Variants in SLC22A9 observed in about 807,000 individuals in gnomAD.
SLC22A9 encodes the protein solute carrier family 22 member 9.
Under a neutral mutation model 50.1 loss-of-function variants are expected in SLC22A9, and 64 were observed. That is an observed-to-expected ratio of 1.28 (90% CI 1.04 to 1.57). The LOEUF (loss-of-function observed/expected upper bound fraction) is 1.57. SLC22A9 is among the 40% of genes most tolerant of loss of function. The pLI, the probability that SLC22A9 is intolerant of heterozygous loss-of-function variation, is 0.00. For missense variants in SLC22A9, 757 were observed against 676.1 expected, an observed-to-expected ratio of 1.12 and a Z score of -1.33; for synonymous variants, 261 against 242.5, an observed-to-expected ratio of 1.08 and a Z score of -0.71.
At chr11:63,374,126 G>C in intron 4 of SLC22A9, 64 bp downstream of exon 4, 1 of 1,454,770 alleles carries the variant, frequency 6.9e-7, no homozygotes, top group East Asian at 2.4e-5. Flanking sequence ...GTGGAACTAG[G>C]ACACCTGAAT....
chr11:63,373,740 A>T lies in SLC22A9; in HGVS notation c.603A>T (p.Ser201=). 1.2e-6 allele frequency: 2 copies of T among 1,613,386 alleles called. No individual in the cohort carries two copies. Among genetic ancestry groups the T allele is most frequent in the Non-Finnish European group, 1.7e-6 (2 of 1,179,610 alleles). The change falls in exon 3 of 10, where the codon TCA becomes TCT. Residue 201 remains serine, a synonymous_variant. Transcript: ENST00000279178. ...CTCCCACCTTCCTCATTTACTGCTC[A>T]CTACGCTTCTTGTCTGGGATTGCTG... The part of the protein sequence containing the change: ...ALAPTFLIYC[S]LRFLSGIAAM...
chr11:63,382,171 A>G lies in SLC22A9; in HGVS notation c.967A>G (p.Thr323Ala). Residue 323 changes from threonine (T) to alanine (A), a missense_variant, in exon 6 of 10, where the codon ACC becomes GCC. Physicochemically the swap from Thr to Ala is moderately conservative, Grantham distance 58 (BLOSUM62 0). Transcript: ENST00000279178. ...DTLTLEILKS[T>A]MKKELEAAQK... ...GCTATTGTTGAAGATTTTGAAATCC[A>G]CCATGAAAAAAGAACTGGAGGCAGC... 1 of 1,604,424 alleles carries G rather than the reference A, an allele frequency of 6.2e-7. No homozygotes were observed. The highest frequency in any genetic ancestry group is 8.5e-7 in the Non-Finnish European group (1 of 1,177,050).
In SLC22A9 at chr11:63,387,407, C is replaced by T. The variant is rs970026793; in HGVS notation, c.1073+5130C>T. ...CATGTATTGAAAAGACTGTCCTTTCCCCAATGCACATTCTTGACACCTTTC... is the reference window on the plus strand; with the variant it reads ...CATGTATTGAAAAGACTGTCCTTTCTCCAATGCACATTCTTGACACCTTTC... On this transcript the variant is annotated intron_variant, in intron 6 of 9. Transcript: ENST00000279178. Among the ~76,000 whole-genome samples the T allele has an allele frequency of 1.2e-4, 18 of 152,044 alleles. 1 individual carries two copies. Among genetic ancestry groups the T allele is most frequent in the African/African-American group, 3.9e-4 (16 of 41,512 alleles).
chr11:63,377,116 C>G (rs2014474200), intron 5 of SLC22A9, among the ~76,000 whole-genome samples: 1 of 152,060 alleles, frequency 6.6e-6, no homozygotes, highest in Non-Finnish European at 1.5e-5. Context: ...TTCAACACCC[C>G]ACTGGCAGTG....
At chr11:63,384,983 GTT>G (rs369029527) in intron 6 of SLC22A9, among the ~76,000 whole-genome samples, 2 of 150,958 alleles carry the variant, frequency 1.3e-5, no homozygotes, top group Non-Finnish European at 2.9e-5. Flanking sequence ...TTTCAATGGA[GTT>G]TTTTTGTTTT....
chr11:63,403,943 A>G (rs924846034), intron 6 of SLC22A9, among the ~76,000 whole-genome samples: 33 of 152,128 alleles, frequency 2.2e-4, no homozygotes, highest in African/African-American at 8.0e-4. Flanking sequence ...TGAAGACACT[A>G]TGGAGGTTAG....
intron 5 of SLC22A9, among the ~76,000 whole-genome samples, chr11:63,380,349 A>T (rs1225419960): frequency 6.6e-6 from 1 of 152,136 alleles, no homozygotes; most frequent in African/African-American, 2.4e-5. Context: ...TATACCCCTC[A>T]AAATGCAAAT....
Position 63,369,986 on chromosome 11 carries a change from C to T in SLC22A9, c.-71C>T. On this transcript the variant is annotated 5_prime_UTR_variant, in exon 1 of 10. Transcript: ENST00000279178. Reference sequence around the variant, plus strand: ...TTTAGTGTGACTTAGGGAAAGAAAACATTTTCCCTCTTTGAACCTCTCTGG... The same window carrying T: ...TTTAGTGTGACTTAGGGAAAGAAAATATTTTCCCTCTTTGAACCTCTCTGG... 2 of 1,448,332 alleles carry T rather than the reference C, an allele frequency of 1.4e-6. No homozygotes were observed. Among genetic ancestry groups the T allele is most frequent in the East Asian group, 2.3e-5 (1 of 43,806 alleles). The allele number at this position is 1,448,332 out of a possible 1,614,324, so 89.7% of individuals were successfully genotyped here.
chr11:63,405,520 G>A (rs188222342), intron 6 of SLC22A9, among the ~76,000 whole-genome samples: 68 of 152,206 alleles, frequency 4.5e-4, no homozygotes, highest in Non-Finnish European at 8.5e-4. Context: ...AAACCATCAC[G>A]AGGTTATATG....
intron 5 of SLC22A9, among the ~76,000 whole-genome samples, chr11:63,377,516 A>ACTAGT (rs2014485205): frequency 6.6e-6 from 1 of 152,158 alleles, no homozygotes; most frequent in Non-Finnish European, 1.5e-5. Flanking sequence ...GTGAAAACAA[A>ACTAGT]GATATAACAT....
At chr11:63,375,845 A>G in intron 5 of SLC22A9, 77 bp downstream of exon 5, 8 of 1,540,316 alleles carry the variant, frequency 5.2e-6, no homozygotes, top group East Asian at 2.3e-5. Flanking sequence ...AGCAGTGTCC[A>G]TAAGGTAAAA....
At chr11:63,394,185 C>A (rs1228702050) in intron 6 of SLC22A9, among the ~76,000 whole-genome samples, 2 of 152,124 alleles carry the variant, frequency 1.3e-5, no homozygotes, top group Non-Finnish European at 2.9e-5. Flanking sequence ...TTCTAGTTAG[C>A]AATTCCTCTA....
Position 63,409,963 on chromosome 11 carries a change from G to C in SLC22A9, c.*101G>C. The C allele has an allele frequency of 7.4e-7, 1 of 1,348,592 alleles. No homozygotes were observed. The highest frequency in any genetic ancestry group is 1.0e-6 in the Non-Finnish European group (1 of 960,228). 83.5% of individuals were successfully genotyped at this position (1,348,592 alleles called of 1,614,324 possible). On this transcript the variant is annotated 3_prime_UTR_variant, in exon 10 of 10. Coordinates refer to ENST00000279178, the MANE Select transcript of SLC22A9 (RefSeq NM_080866.3). Reference sequence around the variant, plus strand: ...AATCTAGAAAATAAATAACAAGGCTGGGTGCGGTGGCTCACGCCTGTAATC... The same window carrying C: ...AATCTAGAAAATAAATAACAAGGCTCGGTGCGGTGGCTCACGCCTGTAATC...
intron 5 of SLC22A9, among the ~76,000 whole-genome samples, chr11:63,376,111 C>T (rs1263861200): frequency 6.6e-6 from 1 of 152,080 alleles, no homozygotes; most frequent in Non-Finnish European, 1.5e-5. Context: ...CTGTGGGTCT[C>T]TTTCAGGGTA....
intron 2 of SLC22A9, among the ~76,000 whole-genome samples, chr11:63,371,815 A>T (rs1308123177): frequency 6.6e-6 from 1 of 152,204 alleles, no homozygotes; most frequent in Non-Finnish European, 1.5e-5. Context: ...ATACTATCTC[A>T]GTCTGTGGTG....
rs2015110729 is a variant in SLC22A9, at chr11:63,409,944, G to C, written c.*82G>C. 11 of 1,506,838 alleles carry C rather than the reference G, an allele frequency of 7.3e-6. No homozygotes were observed. The highest frequency in any genetic ancestry group is 1.0e-5 in the Non-Finnish European group (11 of 1,088,856). 93.3% of individuals were successfully genotyped at this position (1,506,838 alleles called of 1,614,324 possible). A position where few individuals can be genotyped will look rare whatever the true frequency, so the allele number is the denominator to read the frequency against. On this transcript the variant is annotated 3_prime_UTR_variant, in exon 10 of 10. Transcript: ENST00000279178. ...TATTCCTAGACACTAGCAAAATCTAGAAAATAAATAACAAGGCTGGGTGCG... is the reference window on the plus strand; with the variant it reads ...TATTCCTAGACACTAGCAAAATCTACAAAATAAATAACAAGGCTGGGTGCG...
At chr11:63,395,649 T>G (rs183339481) in intron 6 of SLC22A9, among the ~76,000 whole-genome samples, 3 of 152,216 alleles carry the variant, frequency 2.0e-5, no homozygotes, top group Non-Finnish European at 4.4e-5. Context: ...TCTATGCAGG[T>G]TCTTAGCTTT....
At chr11:63,408,303 G>A (rs2015075577) in intron 8 of SLC22A9, 83 bp downstream of exon 8, 5 of 1,048,836 alleles carry the variant, frequency 4.8e-6, no homozygotes, top group South Asian at 1.3e-5. Context: ...AGAAATCTAA[G>A]ACTGGTTCAT....
At chr11:63,385,860 T>A (rs1371794377) in intron 6 of SLC22A9, among the ~76,000 whole-genome samples, 1 of 152,168 alleles carries the variant, frequency 6.6e-6, no homozygotes, top group Non-Finnish European at 1.5e-5. Flanking sequence ...GAGGGCATCT[T>A]TGTCTTGTGC....
Sources: allele counts gnomAD v4.1 joint callset (sites outside exome capture counted in the v4.1 genomes callset), GRCh38; gene constraint gnomAD v4.1.1; transcripts MANE v1.5; gene names NCBI Gene and HGNC (gene_info 2026-07-23, HGNC 2026-07-21).